Variants in LRIG1 observed in about 807,000 individuals in gnomAD.
LRIG1 encodes leucine rich repeats and immunoglobulin like domains 1, also known as leucine-rich repeats and immunoglobulin-like domains protein 1.
A neutral mutation model predicts 99.2 loss-of-function variants in LRIG1; 48 were observed. That is an observed-to-expected ratio of 0.48 (90% CI 0.38 to 0.62). The LOEUF (loss-of-function observed/expected upper bound fraction) is 0.62, where lower values mean the gene tolerates loss of function less well. Ranked by LOEUF, LRIG1 falls within the 20% of genes least tolerant of loss-of-function variation. LRIG1 has a pLI of 0.00. For synonymous variants in LRIG1, 772 were observed against 596.1 expected, an observed-to-expected ratio of 1.29 and a Z score of -4.30; for missense variants, 1,646 against 1,434.4, an observed-to-expected ratio of 1.15 and a Z score of -2.38.
In LRIG1 at chr3:66,500,420, G is replaced by T. The variant is rs1338311007; in HGVS notation, c.-13C>A. 6 of 1,368,756 alleles carry T rather than the reference G, an allele frequency of 4.4e-6. No individual in the cohort carries two copies. Among genetic ancestry groups the T allele is most frequent in the Non-Finnish European group, 5.6e-6 (6 of 1,067,618 alleles). The allele number at this position is 1,368,756 out of a possible 1,614,324, so 84.8% of individuals were successfully genotyped here. A position where few individuals can be genotyped will look rare whatever the true frequency, so the allele number is the denominator to read the frequency against. ...CCGGCCGCGCCATCTTGTCTGGAGC[G>T]CGCTGCGAACTCCGGGCGCGGGGAC... On this transcript the variant is annotated 5_prime_UTR_variant, in exon 1 of 19. Transcript: ENST00000273261.
At chr3:66,483,839 C>G (rs6785048) in intron 1 of LRIG1, among the ~76,000 whole-genome samples, 9,143 of 152,248 alleles carry the variant, frequency 0.06, 849 homozygotes, top group African/African-American at 0.2. Context: ...GAGGAGAGCG[C>G]CTGAGCCTGG....
intron 2 of LRIG1, among the ~76,000 whole-genome samples, chr3:66,462,017 C>T (rs950233976): frequency 2.6e-5 from 4 of 152,242 alleles, no homozygotes; most frequent in Admixed American, 6.5e-5. Flanking sequence ...GGCCAAGGCG[C>T]GCAGATCACA....
At chr3:66,493,965 A>G (rs1300575170) in intron 1 of LRIG1, among the ~76,000 whole-genome samples, 1 of 149,842 alleles carries the variant, frequency 6.7e-6, no homozygotes, top group Non-Finnish European at 1.5e-5. Flanking sequence ...AAGAAAGAAA[A>G]AGAAAAGAAA....
At position 66,379,489 on chromosome 3, in the gene LRIG1, T is replaced by C. The variant is rs1700903991; in HGVS notation, c.*774A>G. On this transcript the variant is annotated 3_prime_UTR_variant, in exon 19 of 19. Transcript: ENST00000273261. ...TGATACTGAGAAGGCCACATTTGCT[T>C]TTATCATAAAATAAGAGGAGGAGGA... is the stretch of plus-strand genomic sequence containing the variant. 6.6e-6 allele frequency: 1 copy of C among 152,164 alleles called. No individual in the cohort carries two copies. The highest frequency in any genetic ancestry group is 6.5e-5 in the Admixed American group (1 of 15,286). The allele number at this position is 152,164 out of a possible 1,614,324, so 9.4% of individuals were successfully genotyped here. A position where few individuals can be genotyped will look rare whatever the true frequency, so the allele number is the denominator to read the frequency against.
Position 66,384,003 on chromosome 3 carries a change from G to C in LRIG1, c.2059C>G (p.Leu687Val). 4.3e-6 allele frequency: 7 copies of C among 1,613,128 alleles called. No individual in the cohort carries two copies. The highest frequency in any genetic ancestry group is 5.1e-6 in the Non-Finnish European group (6 of 1,179,508). ...SAGSISANAT[L>V]TVLETPSLVV... is the part of the protein sequence containing the mutation. ...GCAATAGGCAAACCTAGGACAGTCA[G>C]GGTGGCATTAGCTGAAATAGAACCG... is the stretch of plus-strand genomic sequence containing the variant. The change falls in exon 14 of 19, where the codon CTG (leucine) becomes GTG (valine). Residue 687 changes from leucine (L) to valine (V), a missense_variant. By Grantham distance (32) the Leu-to-Val change is conservative. Coordinates refer to ENST00000273261, the MANE Select transcript of LRIG1 (RefSeq NM_015541.3).
chr3:66,412,130 C>T (rs1361945759), intron 6 of LRIG1, among the ~76,000 whole-genome samples: 4 of 152,262 alleles, frequency 2.6e-5, no homozygotes, highest in Non-Finnish European at 5.9e-5. Context: ...CCTTCTGCTG[C>T]TGTACACATC....
At chr3:66,475,203 A>C (rs1377843877) in intron 1 of LRIG1, among the ~76,000 whole-genome samples, 1 of 152,166 alleles carries the variant, frequency 6.6e-6, no homozygotes, top group African/African-American at 2.4e-5. Flanking sequence ...TGACAAATCG[A>C]GGTTTGTCAA....
At chr3:66,435,273 G>C (rs191804296) in intron 3 of LRIG1, among the ~76,000 whole-genome samples, 10 of 152,148 alleles carry the variant, frequency 6.6e-5, no homozygotes, top group African/African-American at 2.2e-4. Context: ...AGTCAACCAG[G>C]GGGGGCTAGG....
Position 66,380,731 on chromosome 3 carries a change from CG to C in LRIG1, c.2900del (p.Pro967ArgfsTer38). On this transcript the variant is annotated frameshift_variant, in exon 18 of 19. Transcript: ENST00000273261. LOFTEE classifies it high-confidence loss of function. ...AQPSAPNGPEPGGSDQEHSPH... is the reference protein window; with the variant it reads ...AQPSAPNGPEXGGSDQEHSPH... ...GAGAATGCTCTTGGTCACTCCCACC[CG>C]GCTCCGGGCCATTTGGCGCACTTGG... 3 of 1,614,192 alleles carry C rather than the reference CG, an allele frequency of 1.9e-6. No individual in the cohort carries two copies. The highest frequency in any genetic ancestry group is 2.5e-6 in the Non-Finnish European group (3 of 1,180,022).
intron 11 of LRIG1, among the ~76,000 whole-genome samples, chr3:66,397,864 C>G (rs1043014172): frequency 6.6e-6 from 1 of 152,358 alleles, no homozygotes; most frequent in South Asian, 2.1e-4. Flanking sequence ...GCCTGCGGCC[C>G]GACTGCCTGC....
At position 66,381,531 on chromosome 3, in the gene LRIG1, C is replaced by T. The variant is rs1701063963; in HGVS notation, c.2718G>A (p.Glu906=). 2 of 1,614,138 alleles carry T rather than the reference C, an allele frequency of 1.2e-6. No homozygotes were observed. Among genetic ancestry groups the T allele is most frequent in the Non-Finnish European group, 1.7e-6 (2 of 1,179,998 alleles). The change falls in exon 17 of 19, where the codon GAG becomes GAA. Residue 906 remains glutamate (E), a synonymous_variant. Coordinates refer to ENST00000273261, the MANE Select transcript of LRIG1 (RefSeq NM_015541.3). ...KLCAGSAYHK[E]PWKAMEKAEG... The stretch of plus-strand genomic sequence containing the variant: ...CAGCTTTCTCCATCGCTTTCCACGG[C>T]TCTTTGTGATACGCAGACCCAGCAC...
intron 9 of LRIG1, among the ~76,000 whole-genome samples, chr3:66,403,445 C>T (rs949555902): frequency 7.2e-5 from 11 of 152,134 alleles, no homozygotes; most frequent in Non-Finnish European, 1.6e-4. Flanking sequence ...GACTCAGTGG[C>T]TGGGTGGGGT....
intron 2 of LRIG1, among the ~76,000 whole-genome samples, chr3:66,458,002 G>T (rs140962500): frequency 6.6e-6 from 1 of 152,196 alleles, no homozygotes; most frequent in Non-Finnish European, 1.5e-5. Context: ...TAGTGCAGCC[G>T]CCAAGGTTAG....
At chr3:66,409,342 C>G (rs867421473) in intron 7 of LRIG1, among the ~76,000 whole-genome samples, 2 of 152,210 alleles carry the variant, frequency 1.3e-5, no homozygotes, top group Non-Finnish European at 1.5e-5. Context: ...AGGAATGCTG[C>G]GTTCACTGTC....
intron 1 of LRIG1, among the ~76,000 whole-genome samples, chr3:66,498,716 A>G (rs1701283265): frequency 6.6e-6 from 1 of 152,210 alleles, no homozygotes; most frequent in Non-Finnish European, 1.5e-5. Flanking sequence ...TCACTAACTC[A>G]GTAAATTCCA....
At chr3:66,383,685 C>A (rs1311111198) in intron 14 of LRIG1, among the ~76,000 whole-genome samples, 1 of 151,980 alleles carries the variant, frequency 6.6e-6, no homozygotes, top group Admixed American at 6.6e-5. Flanking sequence ...AAGCCCACAT[C>A]CATCCTGTCC....
At chr3:66,394,459 A>G (rs73833484) in intron 11 of LRIG1, among the ~76,000 whole-genome samples, 7,539 of 152,224 alleles carry the variant, frequency 0.05, 618 homozygotes, top group African/African-American at 0.17. Context: ...TAACAAGTTC[A>G]CGTATCATGC....
Position 66,500,512 on chromosome 3 carries a change from G to A in LRIG1, c.-105C>T, listed in dbSNP as rs561888045. On this transcript the variant is annotated 5_prime_UTR_variant, in exon 1 of 19. Transcript: ENST00000273261. ...GGCGCTCCGCTCGGCTCTAGACTCC[G>A]CACCGGGGCATGGCCCCCGCCCCAA... 134 of 547,314 alleles carry A rather than the reference G, an allele frequency of 2.4e-4. 1 individual carries two copies. The South Asian group carries it at 6.8e-3, about 28-fold the overall frequency. The allele number at this position is 547,314 out of a possible 1,614,324, so 33.9% of individuals were successfully genotyped here.
intron 3 of LRIG1, among the ~76,000 whole-genome samples, chr3:66,447,188 T>G (rs991147816): frequency 4.6e-5 from 7 of 152,240 alleles, no homozygotes; most frequent in Non-Finnish European, 7.3e-5. Flanking sequence ...GGGGCATCCA[T>G]GCCCTCAAGC....
Sources: allele counts gnomAD v4.1 joint callset (sites outside exome capture counted in the v4.1 genomes callset), GRCh38; gene constraint gnomAD v4.1.1; transcripts MANE v1.5; gene names NCBI Gene and HGNC (gene_info 2026-07-23, HGNC 2026-07-21).